Variants in TMEM132A observed in about 807,000 individuals in gnomAD.
The protein encoded by TMEM132A is transmembrane protein 132A.
Under a neutral mutation model 69.9 loss-of-function variants are expected in TMEM132A, and 48 were observed. That is an observed-to-expected ratio of 0.69 (90% CI 0.55 to 0.87). The LOEUF is 0.87. Among genes scored for constraint, TMEM132A ranks in the 40% least tolerant of loss-of-function variants. TMEM132A has a pLI of 0.00. For synonymous variants in TMEM132A, 577 were observed against 613.7 expected (o/e 0.94, Z 0.88); for missense variants, 1,287 against 1,407.2 (o/e 0.91, Z 1.37).
chr11:60,933,970 G>GAT, intron 8 of TMEM132A: 2 of 575,746 alleles, frequency 3.5e-6, no homozygotes, highest in Non-Finnish European at 6.2e-6. Flanking sequence ...TTCTCCCGTA[G>GAT]CACCCTCCAC....
chr11:60,928,522 C>T lies in TMEM132A; in HGVS notation c.535-107C>T, dbSNP rs559218597. 4.3e-5 allele frequency: 48 copies of T among 1,105,262 alleles called. No homozygotes were observed. The African/African-American group carries it at 5.9e-4, about 14-fold the overall frequency. 68.5% of individuals were successfully genotyped at this position (1,105,262 alleles called of 1,614,324 possible). On this transcript the variant is annotated intron_variant, in intron 3 of 10. Coordinates refer to ENST00000453848, the MANE Select transcript of TMEM132A (RefSeq NM_178031.3). ...TGTCTCCGGCCCATGCTGGGCCTCC[C>T]TTTCATGAGCCCCTCCAGCTCTGGG...
chr11:60,927,427 G>T lies in TMEM132A; in HGVS notation c.315+9G>T. On this transcript the variant is annotated intron_variant, in intron 2 of 10. Coordinates refer to ENST00000453848, the MANE Select transcript of TMEM132A (RefSeq NM_178031.3). ...CTTTTGCCACTCAGCAGGTAAGGAG[G>T]GGGCACCGGGGACTCTCAGGCTAAC... The T allele has an allele frequency of 6.2e-7, 1 of 1,605,454 alleles. No individual in the cohort carries two copies. The highest frequency in any genetic ancestry group is 8.5e-7 in the Non-Finnish European group (1 of 1,175,578).
Position 60,924,574 on chromosome 11 carries a change from T to C in TMEM132A, c.-60T>C. The C allele has an allele frequency of 1.4e-6, 2 of 1,391,366 alleles. No individual in the cohort carries two copies. The highest frequency in any genetic ancestry group is 1.9e-6 in the Non-Finnish European group (2 of 1,031,328). The allele number at this position is 1,391,366 out of a possible 1,614,324, so 86.2% of individuals were successfully genotyped here. ...GACGGCGCGGAGCGGGTGCGGGAGATGCCGTGCGGGACTGGGGCCACCTGA... is the reference window on the plus strand; with the variant it reads ...GACGGCGCGGAGCGGGTGCGGGAGACGCCGTGCGGGACTGGGGCCACCTGA... On this transcript the variant is annotated 5_prime_UTR_variant, in exon 1 of 11. It removes an upstream start codon present in the reference 5' UTR. Transcript: ENST00000453848.
chr11:60,930,149 G>C (rs73493066), intron 4 of TMEM132A, among the ~76,000 whole-genome samples: 4,206 of 152,310 alleles, frequency 0.028, 185 homozygotes, highest in African/African-American at 0.091. Flanking sequence ...CTGGGCAAAG[G>C]CTTGGAGTCA....
Position 60,924,632 on chromosome 11 carries a change from G to C in TMEM132A, c.-2G>C. ...GCCTCGTCCCCGCCTTCTGTGGGAAGGATGTGCGCGCGGATGGCCGGTCGC... is the reference window on the plus strand; with the variant it reads ...GCCTCGTCCCCGCCTTCTGTGGGAACGATGTGCGCGCGGATGGCCGGTCGC... On this transcript the variant is annotated 5_prime_UTR_variant, in exon 1 of 11. Coordinates refer to ENST00000453848, the MANE Select transcript of TMEM132A (RefSeq NM_178031.3). 6.3e-7 allele frequency: 1 copy of C among 1,591,846 alleles called. No individual in the cohort carries two copies. The highest frequency in any genetic ancestry group is 8.5e-7 in the Non-Finnish European group (1 of 1,175,242).
rs754688460 is a variant in TMEM132A, at chr11:60,928,797, G to A, written c.703G>A (p.Gly235Arg). 4 of 1,610,876 alleles carry A rather than the reference G, an allele frequency of 2.5e-6. No homozygotes were observed. Among genetic ancestry groups the A allele is most frequent in the Non-Finnish European group, 3.4e-6 (4 of 1,179,280 alleles). ...NDPGEQALPV[G>R]GVELRPADPP... ...CCCTGGGGAGCAGGCCCTCCCAGTG[G>A]GGGGTGTGGAGCTGCGCCCAGCAGA... is the stretch of plus-strand genomic sequence containing the variant. The change falls in exon 4 of 11, where the codon GGG (glycine) becomes AGG (arginine). Residue 235 changes from glycine (G) to arginine (R), a missense_variant. Transcript: ENST00000453848.
chr11:60,927,878 C>T lies in TMEM132A; in HGVS notation c.534+19C>T, dbSNP rs1389752318. 2.5e-6 allele frequency: 4 copies of T among 1,590,520 alleles called. No individual in the cohort carries two copies. The highest frequency in any genetic ancestry group is 2.7e-5 in the African/African-American group (2 of 74,562). On this transcript the variant is annotated intron_variant, in intron 3 of 10. Transcript: ENST00000453848. ...CTTCCAGGTGAGTAGACAGGCCCCA[C>T]CTAGGCTGGTCCTGCTGCAGCTGCA...
At chr11:60,934,430 CT>C in intron 8 of TMEM132A, 57 bp from the exon 9 acceptor site, 2 of 1,310,144 alleles carry the variant, frequency 1.5e-6, no homozygotes, top group Non-Finnish European at 1.9e-6. Context: ...CAGCTGGGCC[CT>C]GGGCAGGCTG....
At position 60,931,757 on chromosome 11, in the gene TMEM132A, C is replaced by A; in HGVS notation, c.1085C>A (p.Ala362Glu). 37 of 1,614,160 alleles carry A rather than the reference C, an allele frequency of 2.3e-5. No homozygotes were observed. Among genetic ancestry groups the A allele is most frequent in the Non-Finnish European group, 3.0e-5 (35 of 1,180,012 alleles). Residue 362 changes from alanine to glutamate, a missense_variant, in exon 6 of 11, where the codon GCG becomes GAG. Coordinates refer to ENST00000453848, the MANE Select transcript of TMEM132A (RefSeq NM_178031.3). ...GAGAATAGCACTGGTGGGGGCGTAG[C>A]GGTCACTCGCCCCGTCACGTGGCAG... ...VVENSTGGGVAVTRPVTWQLE... is the reference protein window; with the variant it reads ...VVENSTGGGVEVTRPVTWQLE...
In TMEM132A at chr11:60,936,631, G is replaced by T. The variant is rs915540969; in HGVS notation, c.2796G>T (p.Glu932Asp). Reference sequence around the variant, plus strand: ...CCTGTGAGAGTGGGGGAGGAGGGGAGGCCCCTACCCTGGCCCCTGGCCCTC... The same window carrying T: ...CCTGTGAGAGTGGGGGAGGAGGGGATGCCCCTACCCTGGCCCCTGGCCCTC... The part of the protein sequence containing the change: ...SCPCESGGGG[E>D]APTLAPGPPG... Residue 932 changes from glutamate to aspartate, a missense_variant, in exon 11 of 11, where the codon GAG becomes GAT. Physicochemically the swap from Glu to Asp is conservative, Grantham distance 45. Transcript: ENST00000453848. 8.3e-6 allele frequency: 13 copies of T among 1,569,272 alleles called. No individual in the cohort carries two copies. The highest frequency in any genetic ancestry group is 7.2e-5 in the Admixed American group (4 of 55,880).
chr11:60,934,775 G>C lies in TMEM132A; in HGVS notation c.1836+11G>C, dbSNP rs769240572. 1 of 1,590,864 alleles carries C rather than the reference G, an allele frequency of 6.3e-7. No homozygotes were observed. The highest frequency in any genetic ancestry group is 8.6e-7 in the Non-Finnish European group (1 of 1,166,854). On this transcript the variant is annotated intron_variant, in intron 9 of 10. Transcript: ENST00000453848. ...GTCACCTCCATTGAGGTAAGCAGCT[G>C]GGGACCAGGAGAGTAGACCCCCTGA... is the stretch of plus-strand genomic sequence containing the variant.
Position 60,935,381 on chromosome 11 carries a change from G to C in TMEM132A, c.1966G>C (p.Ala656Pro), listed in dbSNP as rs1016622941. Reference sequence around the variant, plus strand: ...CTCGCTGACCTTGAGCCGGGGCACTGCCCACCCCGGGGAGGTCACAGCTAC... The same window carrying C: ...CTCGCTGACCTTGAGCCGGGGCACTCCCCACCCCGGGGAGGTCACAGCTAC... ...GISLTLSRGT[A>P]HPGEVTATCW... The change falls in exon 10 of 11, where the codon GCC becomes CCC. Residue 656 changes from alanine to proline, a missense_variant. Coordinates refer to ENST00000453848, the MANE Select transcript of TMEM132A (RefSeq NM_178031.3). This position sits in a 1 kb window ranked among gnomAD's most constrained non-coding sequence, Gnocchi z 5.0. 1 of 1,612,294 alleles carries C rather than the reference G, an allele frequency of 6.2e-7. No homozygotes were observed. The highest frequency in any genetic ancestry group is 8.5e-7 in the Non-Finnish European group (1 of 1,179,526).
chr11:60,933,826 C>T, intron 8 of TMEM132A, 82 bp downstream of exon 8: 1 of 1,343,336 alleles, frequency 7.4e-7, no homozygotes, highest in Non-Finnish European at 1.0e-6. Flanking sequence ...AGCCATGGGC[C>T]CAAGTCGGGG....
Position 60,924,741 on chromosome 11 carries a change from G to A in TMEM132A, c.100+8G>A. The A allele has an allele frequency of 1.3e-6, 2 of 1,546,538 alleles. No individual in the cohort carries two copies. The highest frequency in any genetic ancestry group is 2.3e-5 in the South Asian group (2 of 86,104). On this transcript the variant is annotated splice_region_variant and intron_variant, in intron 1 of 10. Transcript: ENST00000453848. ...CCCTGGACGTCGTGAGAGGTCAGCG[G>A]GAGGGGAGGGCCGGGGCGAGGGGCG...
At chr11:60,934,236 C>T (rs1856541478) in intron 8 of TMEM132A, 1 of 406,904 alleles carries the variant, frequency 2.5e-6, no homozygotes, top group East Asian at 3.9e-5. Flanking sequence ...CGTAAGAGAG[C>T]GTCTCCCCTG....
At chr11:60,925,067 C>T (rs1448034858) in intron 1 of TMEM132A, 4 of 273,902 alleles carry the variant, frequency 1.5e-5, no homozygotes, top group African/African-American at 4.5e-5. Context: ...AGCGTCATCC[C>T]CACTCCCTCA....
rs953558337 is a variant in TMEM132A, at chr11:60,933,704, G to A, written c.1519G>A (p.Glu507Lys). The A allele has an allele frequency of 1.3e-6, 2 of 1,598,324 alleles. No individual in the cohort carries two copies. The highest frequency in any genetic ancestry group is 1.7e-6 in the Non-Finnish European group (2 of 1,174,282). ...LRIELTDTTL[E>K]QVRGWRVPGP... is the part of the protein sequence containing the mutation. The stretch of plus-strand genomic sequence containing the variant: ...TATCGAGCTCACCGACACCACCCTC[G>A]AGCAGGTCCGCGGCTGGAGGGTACC... The change falls in exon 8 of 11, where the codon GAG (glutamate) becomes AAG (lysine). Residue 507 changes from glutamate (E) to lysine (K), a missense_variant. Glu to Lys is a moderately conservative substitution (Grantham distance 56). Coordinates refer to ENST00000453848, the MANE Select transcript of TMEM132A (RefSeq NM_178031.3).
intron 2 of TMEM132A, 72 bp from the exon 3 acceptor site, chr11:60,927,569 C>A: frequency 6.8e-7 from 1 of 1,473,550 alleles, no homozygotes; most frequent in Non-Finnish European, 9.2e-7. Context: ...TTCTGCCAAG[C>A]TGGGATCCCA....
rs1856544761 is a variant in TMEM132A, at chr11:60,934,397, G to A, written c.1560-91G>A. 1.3e-5 allele frequency: 15 copies of A among 1,184,984 alleles called. No individual in the cohort carries two copies. The East Asian group carries it at 4.1e-4, about 32-fold the overall frequency. The allele number at this position is 1,184,984 out of a possible 1,614,324, so 73.4% of individuals were successfully genotyped here. On this transcript the variant is annotated intron_variant, in intron 8 of 10. Coordinates refer to ENST00000453848, the MANE Select transcript of TMEM132A (RefSeq NM_178031.3). ...GAGCTGCTGGTGATTAGGAGCCGCC[G>A]GGGACGAGCTGCGGGTCTCCAGCAG...
Sources: allele counts gnomAD v4.1 joint callset (sites outside exome capture counted in the v4.1 genomes callset), GRCh38; gene constraint gnomAD v4.1.1; non-coding constraint Gnocchi (gnomAD v3.1); transcripts MANE v1.5; gene names NCBI Gene and HGNC (gene_info 2026-07-23, HGNC 2026-07-21).